Variants in MTHFD1 observed in about 807,000 individuals in gnomAD.
MTHFD1 encodes the protein C-1-tetrahydrofolate synthase, cytoplasmic.
Under a neutral mutation model 110.3 loss-of-function variants are expected in MTHFD1, and 44 were observed. The ratio of observed to expected loss-of-function variants is 0.40; its 90% CI spans 0.31 to 0.51. The LOEUF is 0.51. MTHFD1 is among the 20% of genes least tolerant of loss of function. The pLI, the probability that MTHFD1 is intolerant of heterozygous loss-of-function variation, is 0.60. For synonymous variants in MTHFD1, 402 were observed against 428.8 expected (o/e 0.94, Z 0.77); for missense variants, 909 against 1,173.1 (o/e 0.77, Z 3.29).
intron 12 of MTHFD1, 72 bp from the exon 13 acceptor site, chr14:64,430,112 T>C (rs1019184953): frequency 1.0e-5 from 13 of 1,250,362 alleles, no homozygotes; most frequent in Non-Finnish European, 1.4e-5. Context: ...ATAATGCATT[T>C]GCATTTATTT....
At chr14:64,414,377 C>T (rs2357695) in intron 4 of MTHFD1, among the ~76,000 whole-genome samples, 121,243 of 145,926 alleles carry the variant, frequency 0.83, 50,538 homozygotes, top group Middle Eastern at 0.93. Context: ...CTGCAGCCTC[C>T]GCTTCCTGGG....
At chr14:64,399,645 A>G in intron 1 of MTHFD1, among the ~76,000 whole-genome samples, 1 of 130,066 alleles carries the variant, frequency 7.7e-6, no homozygotes. Context: ...GGCAAAAGCG[A>G]GTCCCCATCT....
At chr14:64,441,625 T>G (rs2078249380) in intron 19 of MTHFD1, 172 bp downstream of exon 19, 2 of 642,600 alleles carry the variant, frequency 3.1e-6, no homozygotes, top group Admixed American at 4.3e-5. Context: ...GCTAACATGG[T>G]GAAACCCCGT....
intron 16 of MTHFD1, among the ~76,000 whole-genome samples, chr14:64,438,149 C>T (rs2078221051): frequency 6.6e-6 from 1 of 152,202 alleles, no homozygotes; most frequent in Non-Finnish European, 1.5e-5. Flanking sequence ...CTGGGATTTA[C>T]AGGCGTGAGC....
rs767969586 is a variant in MTHFD1, at chr14:64,418,001, A to G, written c.592A>G (p.Lys198Glu). 3 of 1,614,066 alleles carry G rather than the reference A, an allele frequency of 1.9e-6. No individual in the cohort carries two copies. The highest frequency in any genetic ancestry group is 2.5e-6 in the Non-Finnish European group (3 of 1,180,014). Residue 198 changes from lysine (K) to glutamate (E), a missense_variant, in exon 7 of 28, where the codon AAG (lysine) becomes GAG (glutamate). Physicochemically the swap from Lys to Glu is moderately conservative, Grantham distance 56 (BLOSUM62 1). Coordinates refer to ENST00000652337, the MANE Select transcript of MTHFD1 (RefSeq NM_005956.4). ...NNATVTTCHSKTAHLDEEVNK... is the reference protein window; with the variant it reads ...NNATVTTCHSETAHLDEEVNK... The stretch of plus-strand genomic sequence containing the variant: ...TGCCACAGTGACCACCTGCCACTCC[A>G]AGACTGCCCATCTGGATGAGGAGGT...
At chr14:64,405,657 G>A (rs2077930590) in intron 2 of MTHFD1, among the ~76,000 whole-genome samples, 1 of 152,144 alleles carries the variant, frequency 6.6e-6, no homozygotes, top group Non-Finnish European at 1.5e-5. Context: ...GGAATCTGTT[G>A]CCTCCCCTTG....
At position 64,442,402 on chromosome 14, in the gene MTHFD1, G is replaced by C; in HGVS notation, c.2136G>C (p.Thr712=). The C allele has an allele frequency of 6.2e-7, 1 of 1,613,988 alleles. No homozygotes were observed. Among genetic ancestry groups the C allele is most frequent in the Non-Finnish European group, 8.5e-7 (1 of 1,180,010 alleles). The change falls in exon 21 of 28, where the codon ACG becomes ACC. Residue 712 remains threonine, a splice_region_variant and synonymous_variant. Transcript: ENST00000652337. ...RALKMHGGGP[T]VTAGLPLPKA... is the part of the protein sequence containing the mutation. ...TCAAGATGCACGGGGGCGGCCCCAC[G>C]GTGAGTGGTGGGTTGAAGTATCTGA...
chr14:64,412,027 C>T (rs1475215207), intron 3 of MTHFD1, among the ~76,000 whole-genome samples: 1 of 152,048 alleles, frequency 6.6e-6, no homozygotes, highest in Non-Finnish European at 1.5e-5. Flanking sequence ...GTCTGGTGGG[C>T]TGGGGGGATT....
At position 64,412,634 on chromosome 14, in the gene MTHFD1, A is replaced by AC. The variant is rs372099697; in HGVS notation, c.240+109_240+110insC. The AC allele has an allele frequency of 6.2e-5, 30 of 480,758 alleles. No homozygotes were observed. The African/African-American group carries it at 7.5e-4, about 12-fold the overall frequency. The allele number at this position is 480,758 out of a possible 1,614,324, so 29.8% of individuals were successfully genotyped here. Reference sequence around the variant, plus strand: ...ACACATTTAGCCAAGACCTCCAGGTATTTTTTTTTTTTTTTTTTTTGAGAC... The same window carrying AC: ...ACACATTTAGCCAAGACCTCCAGGTACTTTTTTTTTTTTTTTTTTTTGAGAC... On this transcript the variant is annotated intron_variant, in intron 4 of 27. Coordinates refer to ENST00000652337, the MANE Select transcript of MTHFD1 (RefSeq NM_005956.4).
At chr14:64,424,208 C>T (rs1339663792) in intron 8 of MTHFD1, 1 of 163,320 alleles carries the variant, frequency 6.1e-6, no homozygotes, top group African/African-American at 2.4e-5. Flanking sequence ...AATGATGCAT[C>T]ATTGGGTTTT....
chr14:64,417,591 G>T lies in MTHFD1; in HGVS notation c.479-297G>T, dbSNP rs2078034253. Among the ~76,000 whole-genome samples the T allele has an allele frequency of 6.6e-6, 1 of 152,132 alleles. No homozygotes were observed. Among genetic ancestry groups the T allele is most frequent in the Non-Finnish European group, 1.5e-5 (1 of 68,024 alleles). On this transcript the variant is annotated intron_variant, in intron 6 of 27. Transcript: ENST00000652337. This position sits in a 1 kb window ranked among gnomAD's most constrained non-coding sequence, Gnocchi z 4.4. ...CGTATGGCTGATTAGCTGTATGTCAGGGTTTCTTTTTTCTTTGAGTGTAGG... is the reference window on the plus strand; with the variant it reads ...CGTATGGCTGATTAGCTGTATGTCATGGTTTCTTTTTTCTTTGAGTGTAGG...
intron 2 of MTHFD1, among the ~76,000 whole-genome samples, chr14:64,410,571 C>T (rs976986830): frequency 6.6e-6 from 1 of 152,144 alleles, no homozygotes; most frequent in African/African-American, 2.4e-5. Flanking sequence ...TCTTGCCTGG[C>T]TGTTTATTCT....
intron 12 of MTHFD1, among the ~76,000 whole-genome samples, chr14:64,428,639 C>T (rs150914322): frequency 6.6e-5 from 10 of 150,588 alleles, no homozygotes; most frequent in Non-Finnish European, 1.3e-4. Context: ...CTGCAACCTC[C>T]GCCTCCTGGT....
intron 22 of MTHFD1, chr14:64,445,224 G>T (rs2078280826): frequency 1.0e-5 from 2 of 191,350 alleles, no homozygotes; most frequent in Non-Finnish European, 2.2e-5. Context: ...CATTGGCTGG[G>T]TAAGTTCCAA....
chr14:64,447,872 T>G (rs1214080160), intron 22 of MTHFD1, among the ~76,000 whole-genome samples: 1 of 152,192 alleles, frequency 6.6e-6, no homozygotes, highest in Non-Finnish European at 1.5e-5. Context: ...ACACAATTGG[T>G]AAATATAATT....
chr14:64,454,546 CTTTTT>C (rs59626407), intron 25 of MTHFD1, among the ~76,000 whole-genome samples, 172 bp from the exon 26 acceptor site: 2 of 133,468 alleles, frequency 1.5e-5, no homozygotes, highest in African/African-American at 5.5e-5. Context: ...CCCAACAGTT[CTTTTT>C]TTTTTTTTTT....
intron 27 of MTHFD1, 90 bp downstream of exon 27, chr14:64,458,397 C>T: frequency 1.1e-6 from 1 of 881,774 alleles, no homozygotes. Context: ...TAAAAATTCA[C>T]ATTCTAATGC....
At chr14:64,425,895 G>T in intron 10 of MTHFD1, 68 bp downstream of exon 10, 5 of 1,566,742 alleles carry the variant, frequency 3.2e-6, no homozygotes, top group Middle Eastern at 1.7e-4. Context: ...GATACTGTGG[G>T]TTCACATATG....
rs1400880470 is a variant in MTHFD1, at chr14:64,439,897, A to G, written c.1675-229A>G. Reference sequence around the variant, plus strand: ...CAACAGACCGAGACTCTGTCTCCAAAAAAAAAAAAAAAAAAAAAAAATGAC... The same window carrying G: ...CAACAGACCGAGACTCTGTCTCCAAGAAAAAAAAAAAAAAAAAAAAATGAC... On this transcript the variant is annotated intron_variant, in intron 17 of 27. Transcript: ENST00000652337. Among the ~76,000 whole-genome samples the G allele has an allele frequency of 1.9e-3, 274 of 146,038 alleles. 1 individual carries two copies. Among genetic ancestry groups the G allele is most frequent in the African/African-American group, 6.6e-3 (257 of 38,892 alleles).
Sources: allele counts gnomAD v4.1 joint callset (sites outside exome capture counted in the v4.1 genomes callset), GRCh38; gene constraint gnomAD v4.1.1; non-coding constraint Gnocchi (gnomAD v3.1); transcripts MANE v1.5; gene names NCBI Gene and HGNC (gene_info 2026-07-23, HGNC 2026-07-21).